DMD: variants seen among roughly 807,000 people sequenced by gnomAD.
DMD encodes mutant dystrophin.
A neutral mutation model predicts 330.1 loss-of-function variants in DMD; 63 were observed. The observed-to-expected ratio is 0.19, with a 90% confidence interval of 0.16 to 0.24. DMD has a LOEUF of 0.24. Among genes scored for constraint, DMD ranks in the 10% least tolerant of loss-of-function variants. The pLI is 1.00. For missense variants in DMD, 3,344 were observed against 2,684.1 expected (o/e 1.25, Z -5.43); for synonymous variants, 1,223 against 959.8 (o/e 1.27, Z -5.07).
chrX:31,912,371 T>A (rs2094558721), intron 47 of DMD, among the ~76,000 whole-genome samples: 1 of 111,140 alleles, frequency 9.0e-6, no homozygotes, highest in Non-Finnish European at 1.9e-5. Context: ...TTGCCTCATC[T>A]GCCATATTTA....
rs180755911 is a variant in DMD at position 31,732,221 on chromosome X, C to T, written c.7543-2473G>A. Among the ~76,000 whole-genome samples, 24 of 111,621 alleles carry T rather than the reference C, an allele frequency of 2.2e-4. No individual in the cohort carries two copies. The East Asian group carries it at 6.7e-3, about 31-fold the overall frequency. ...AACAAAATTTCAACTTTTTATCCCA[C>T]TCTATGGTCAACACATACAAACATT... is the stretch of plus-strand genomic sequence containing the variant. On this transcript the variant is annotated intron_variant, in intron 51 of 78. Transcript: ENST00000357033.
chrX:32,831,994 C>T (rs751596110), intron 4 of DMD, among the ~76,000 whole-genome samples: 3 of 110,587 alleles, frequency 2.7e-5, no homozygotes, highest in East Asian at 5.7e-4. Context: ...ACACGTCCTG[C>T]GTCATTCAGC....
intron 41 of DMD, among the ~76,000 whole-genome samples, chrX:32,339,037 A>G (rs2097728863): frequency 8.9e-6 from 1 of 112,321 alleles, no homozygotes; most frequent in Non-Finnish European, 1.9e-5. Flanking sequence ...CTATTTTCCA[A>G]TGTTAATATA....
At chrX:33,086,021 A>G (rs1476604221) in intron 1 of DMD, 1 of 112,372 alleles carries the variant, frequency 8.9e-6, no homozygotes, top group Non-Finnish European at 1.9e-5. Flanking sequence ...TGATTTGACT[A>G]AAATATGTGA....
intron 1 of DMD, among the ~76,000 whole-genome samples, chrX:33,055,461 G>C (rs754835546): frequency 8.9e-6 from 1 of 112,039 alleles, no homozygotes; most frequent in Non-Finnish European, 1.9e-5. Context: ...TGTCCTATTT[G>C]TTACTACAGG....
chrX:31,951,177 A>ATG lies in DMD; in HGVS notation c.6614+17161_6614+17162insCA, dbSNP rs1256121188. 3.8e-4 allele frequency among the ~76,000 whole-genome samples: 34 copies of ATG among 90,414 alleles called. 1 individual carries two copies. Among genetic ancestry groups the ATG allele is most frequent in the East Asian group, 9.4e-4 (3 of 3,181 alleles). The allele number at this position is 90,414 out of a possible 115,157, so 78.5% of individuals were successfully genotyped here. On this transcript the variant is annotated intron_variant, in intron 45 of 78. Coordinates refer to ENST00000357033, the MANE Select transcript of DMD (RefSeq NM_004006.3). The stretch of plus-strand genomic sequence containing the variant: ...TATATATGTATATATATATATATGT[A>ATG]TATATATATATCTTAATAGATATCT...
intron 2 of DMD, among the ~76,000 whole-genome samples, chrX:32,898,467 TA>T (rs2085931045): frequency 8.9e-6 from 1 of 112,230 alleles, no homozygotes; most frequent in Non-Finnish European, 1.9e-5. Context: ...TAGTGAACAT[TA>T]CTGCGCTTTG....
chrX:32,366,076 A>G (rs1347245038), intron 34 of DMD, among the ~76,000 whole-genome samples: 1 of 112,526 alleles, frequency 8.9e-6, no homozygotes, highest in African/African-American at 3.2e-5. Flanking sequence ...AAAATCTCCT[A>G]AGAGAATACC....
intron 74 of DMD, among the ~76,000 whole-genome samples, chrX:31,166,283 T>G (rs1353458274): frequency 9.0e-6 from 1 of 111,158 alleles, no homozygotes; most frequent in East Asian, 2.8e-4. Context: ...CATCCTCTGT[T>G]TTTCTAGGGG....
At chrX:31,987,082 G>T (rs756647452) in intron 44 of DMD, among the ~76,000 whole-genome samples, 1 of 111,809 alleles carries the variant, frequency 8.9e-6, no homozygotes, top group African/African-American at 3.2e-5. Flanking sequence ...CTAGCTGTAG[G>T]TCATAAATAG....
intron 76 of DMD, among the ~76,000 whole-genome samples, chrX:31,144,053 G>C (rs886542960): frequency 1.8e-5 from 2 of 111,738 alleles, no homozygotes; most frequent in Non-Finnish European, 3.8e-5. Flanking sequence ...TGGAGGTGTA[G>C]TAAATTCAGG....
chrX:32,863,509 C>CAAAAAA (rs544421635), intron 2 of DMD, among the ~76,000 whole-genome samples: 5 of 49,058 alleles, frequency 1.0e-4, no homozygotes, highest in African/African-American at 6.4e-4. Context: ...GACTCCGTCT[C>CAAAAAA]AAAAAAAAAA....
intron 44 of DMD, among the ~76,000 whole-genome samples, chrX:32,150,439 C>A (rs2096798616): frequency 9.0e-6 from 1 of 111,294 alleles, no homozygotes; most frequent in African/African-American, 3.3e-5. Context: ...GGTGGCATAC[C>A]TAAATTAGAA....
intron 2 of DMD, among the ~76,000 whole-genome samples, chrX:32,956,225 G>A (rs2146986194): frequency 9.0e-6 from 1 of 111,716 alleles, no homozygotes; most frequent in South Asian, 3.8e-4. Flanking sequence ...TAGTTTAATA[G>A]GAATAGCATT....
At chrX:33,235,352 AT>A (rs1284294381) in intron 1 of DMD, among the ~76,000 whole-genome samples, 1 of 111,867 alleles carries the variant, frequency 8.9e-6, no homozygotes, top group African/African-American at 3.3e-5. Context: ...GGAAACATTG[AT>A]CATTTACTAT....
At chrX:31,328,429 T>C (rs2056912522) in intron 61 of DMD, among the ~76,000 whole-genome samples, 1 of 111,272 alleles carries the variant, frequency 9.0e-6, no homozygotes, top group Admixed American at 9.5e-5. Flanking sequence ...CTTGATACAG[T>C]AGATTATTTG....
intron 67 of DMD, among the ~76,000 whole-genome samples, chrX:31,196,294 T>A (rs1443200717): frequency 4.5e-5 from 5 of 111,502 alleles, no homozygotes; most frequent in Admixed American, 9.5e-5. Flanking sequence ...GAAGGCTGAT[T>A]GGACTATTAG....
At chrX:32,114,274 A>T (rs928932773) in intron 44 of DMD, among the ~76,000 whole-genome samples, 1 of 111,509 alleles carries the variant, frequency 9.0e-6, no homozygotes, top group Admixed American at 9.5e-5. Context: ...TGGGTTTTTC[A>T]TGTCTCTGGT....
chrX:32,096,603 G>T (rs896485184), intron 44 of DMD, among the ~76,000 whole-genome samples: 1 of 109,239 alleles, frequency 9.2e-6, no homozygotes, highest in African/African-American at 3.3e-5. Context: ...TTTATTCACA[G>T]TGACGGGCCT....
Sources: allele counts gnomAD v4.1 joint callset (sites outside exome capture counted in the v4.1 genomes callset), GRCh38; gene constraint gnomAD v4.1.1; transcripts MANE v1.5; gene names NCBI Gene and HGNC (gene_info 2026-07-23, HGNC 2026-07-21).